Variants in ZFAND6 observed in about 807,000 individuals in gnomAD.
ZFAND6 encodes the protein AN1-type zinc finger protein 6.
Under a neutral mutation model 24.5 loss-of-function variants are expected in ZFAND6, and 12 were observed. That is an observed-to-expected ratio of 0.49 (90% confidence interval 0.31 to 0.79). The LOEUF is 0.79. Among genes scored for constraint, ZFAND6 ranks in the 30% least tolerant of loss-of-function variants. The pLI is 0.04. For missense variants in ZFAND6, 207 were observed against 245.9 expected (o/e 0.84, Z 1.06); for synonymous variants, 92 against 81.5 (o/e 1.13, Z -0.69).
At chr15:80,090,942 A>G (rs955798564) in intron 1 of ZFAND6, among the ~76,000 whole-genome samples, 1 of 152,328 alleles carries the variant, frequency 6.6e-6, no homozygotes, top group East Asian at 1.9e-4. Flanking sequence ...AGTAGCACAA[A>G]AATTTGAACT....
rs79104576 is a variant in ZFAND6, at chr15:80,122,881, T to A, written c.364+81T>A. 2.1e-4 allele frequency: 230 copies of A among 1,089,504 alleles called. 1 individual carries two copies. In the African/African-American group the frequency reaches 2.5e-3, roughly 12 times the overall value. 67.5% of individuals were successfully genotyped at this position (1,089,504 alleles called of 1,614,324 possible). ...ATCCTAGGTGCATGTATAAAAAAATTGCCAGCTTAAAATACATGTTTTTCT... is the reference window on the plus strand; with the variant it reads ...ATCCTAGGTGCATGTATAAAAAAATAGCCAGCTTAAAATACATGTTTTTCT... On this transcript the variant is annotated intron_variant, in intron 5 of 6. Coordinates refer to ENST00000261749, the MANE Select transcript of ZFAND6 (RefSeq NM_019006.4).
At position 80,120,212 on chromosome 15, in the gene ZFAND6, T is replaced by G. The variant is rs2040086044; in HGVS notation, c.-17-116T>G. On this transcript the variant is annotated intron_variant, in intron 2 of 6. Transcript: ENST00000261749. ...TTAGCCCTATGTCTTGGGACAGTTA[T>G]GTAGAATAGTTTGATATATGTGGGC... The G allele has an allele frequency of 7.4e-6, 6 of 816,158 alleles. No individual in the cohort carries two copies. The East Asian group carries it at 1.7e-4, about 24-fold the overall frequency. The allele number at this position is 816,158 out of a possible 1,614,324, so 50.6% of individuals were successfully genotyped here.
At position 80,091,986 on chromosome 15, in the gene ZFAND6, G is replaced by A. The variant is rs1596243658; in HGVS notation, c.-180-6430G>A. Among the ~76,000 whole-genome samples, 20 of 152,248 alleles carry A rather than the reference G, an allele frequency of 1.3e-4. No homozygotes were observed. The South Asian group carries it at 3.9e-3, about 30-fold the overall frequency. On this transcript the variant is annotated intron_variant, in intron 1 of 6. Transcript: ENST00000261749. Reference sequence around the variant, plus strand: ...ACTTTGACTGTTAATGTTAATAGCTGATAACATTCTTGAAGGTAGACATTT... The same window carrying A: ...ACTTTGACTGTTAATGTTAATAGCTAATAACATTCTTGAAGGTAGACATTT...
chr15:80,094,559 A>G (rs577822305), intron 1 of ZFAND6, among the ~76,000 whole-genome samples: 41 of 151,420 alleles, frequency 2.7e-4, no homozygotes, highest in African/African-American at 9.0e-4. Context: ...CATTGTTAAC[A>G]TTTTGTGCTA....
At chr15:80,096,970 T>C (rs140547930) in intron 1 of ZFAND6, among the ~76,000 whole-genome samples, 5 of 152,236 alleles carry the variant, frequency 3.3e-5, no homozygotes, top group African/African-American at 9.6e-5. Flanking sequence ...GATACTGTTA[T>C]ACATTAAAGT....
chr15:80,084,844 A>G (rs1208153033), intron 1 of ZFAND6, among the ~76,000 whole-genome samples: 1 of 152,234 alleles, frequency 6.6e-6, no homozygotes, highest in East Asian at 1.9e-4. Context: ...GTCATCCTGC[A>G]TCATCAAGCC....
chr15:80,092,720 A>G lies in ZFAND6; in HGVS notation c.-180-5696A>G, dbSNP rs1473670377. ...CCCTGGAATGTTTTACCTTGGCAACATTGACACACTATAATACCAATAGAA... is the reference window on the plus strand; with the variant it reads ...CCCTGGAATGTTTTACCTTGGCAACGTTGACACACTATAATACCAATAGAA... On this transcript the variant is annotated intron_variant, in intron 1 of 6. Transcript: ENST00000261749. Among the ~76,000 whole-genome samples, 6 of 152,308 alleles carry G rather than the reference A, an allele frequency of 3.9e-5. No homozygotes were observed. The South Asian group carries it at 6.2e-4, about 16-fold the overall frequency.
chr15:80,135,953 G>A (rs2142069726), intron 6 of ZFAND6, among the ~76,000 whole-genome samples: 1 of 152,260 alleles, frequency 6.6e-6, no homozygotes, highest in Admixed American at 6.5e-5. Flanking sequence ...GTGAGACTCA[G>A]TCTGTACAAA....
At chr15:80,064,083 T>C (rs1159442901) in intron 1 of ZFAND6, among the ~76,000 whole-genome samples, 3 of 152,246 alleles carry the variant, frequency 2.0e-5, no homozygotes, top group Non-Finnish European at 4.4e-5. Flanking sequence ...AACCTAGTTA[T>C]CTGTTGGGTG....
chr15:80,120,560 A>G lies in ZFAND6; in HGVS notation c.154+62A>G. The G allele has an allele frequency of 3.0e-6, 4 of 1,317,204 alleles. No individual in the cohort carries two copies. The South Asian group carries it at 8.7e-5, about 29-fold the overall frequency. The allele number at this position is 1,317,204 out of a possible 1,614,324, so 81.6% of individuals were successfully genotyped here. The stretch of plus-strand genomic sequence containing the variant: ...TTGAAATACAAGTGGATATTTCGGT[A>G]TACCCAATACCTTTTTCTGCTCTCA... On this transcript the variant is annotated intron_variant, in intron 3 of 6. Transcript: ENST00000261749.
intron 1 of ZFAND6, chr15:80,075,317 TA>T: frequency 3.9e-6 from 1 of 256,296 alleles, no homozygotes. Flanking sequence ...GAGATAAAGG[TA>T]ATTGTAAATA....
At chr15:80,109,720 A>C (rs1243965181) in intron 2 of ZFAND6, among the ~76,000 whole-genome samples, 2 of 152,190 alleles carry the variant, frequency 1.3e-5, no homozygotes, top group Non-Finnish European at 2.9e-5. Flanking sequence ...TTTAGATTTT[A>C]ATAGGATCAC....
chr15:80,068,113 C>G (rs1235065126), intron 1 of ZFAND6, among the ~76,000 whole-genome samples: 1 of 151,022 alleles, frequency 6.6e-6, no homozygotes, highest in Admixed American at 6.6e-5. Context: ...AGGCGAGCAC[C>G]ACCGCGCCTG....
chr15:80,089,011 G>A (rs749534083), intron 1 of ZFAND6, among the ~76,000 whole-genome samples: 5 of 151,650 alleles, frequency 3.3e-5, no homozygotes, highest in Admixed American at 1.3e-4. Context: ...TCATCTCAAC[G>A]TGTACTGTAC....
chr15:80,082,080 G>A (rs1428622887), intron 1 of ZFAND6, among the ~76,000 whole-genome samples: 1 of 152,162 alleles, frequency 6.6e-6, no homozygotes, highest in Non-Finnish European at 1.5e-5. Flanking sequence ...AAATTTTGCT[G>A]GTTTAGCAGG....
At position 80,094,811 on chromosome 15, in the gene ZFAND6, G is replaced by A. The variant is rs542745780; in HGVS notation, c.-180-3605G>A. On this transcript the variant is annotated intron_variant, in intron 1 of 6. Coordinates refer to ENST00000261749, the MANE Select transcript of ZFAND6 (RefSeq NM_019006.4). ...TTTTTTCTTTTGTGTGTGAGACGGGGTTTTGCTCTTGTATCCCAGGCTGGA... is the reference window on the plus strand; with the variant it reads ...TTTTTTCTTTTGTGTGTGAGACGGGATTTTGCTCTTGTATCCCAGGCTGGA... Among the ~76,000 whole-genome samples, 13 of 152,134 alleles carry A rather than the reference G, an allele frequency of 8.5e-5. No homozygotes were observed. The South Asian group carries it at 2.7e-3, about 32-fold the overall frequency.
At chr15:80,113,643 C>G (rs1345562874) in intron 2 of ZFAND6, among the ~76,000 whole-genome samples, 2 of 152,034 alleles carry the variant, frequency 1.3e-5, no homozygotes, top group East Asian at 3.9e-4. Context: ...CCCTTTTCAA[C>G]AGAATATAGC....
rs1178476221 is a variant in ZFAND6 at position 80,137,972 on chromosome 15, G to T, written c.*344G>T. ...TAATCTTGCAGTTTATTTTCTCATT[G>T]TGTATGTATATATCGCTTTTCTCTG... On this transcript the variant is annotated 3_prime_UTR_variant, in exon 7 of 7. Coordinates refer to ENST00000261749, the MANE Select transcript of ZFAND6 (RefSeq NM_019006.4). 5.5e-6 allele frequency: 1 copy of T among 181,236 alleles called. No homozygotes were observed. Among genetic ancestry groups the T allele is most frequent in the East Asian group, 1.7e-4 (1 of 5,850 alleles). 11.2% of individuals were successfully genotyped at this position (181,236 alleles called of 1,614,324 possible).
At chr15:80,065,176 G>GT (rs2036554172) in intron 1 of ZFAND6, among the ~76,000 whole-genome samples, 1 of 150,914 alleles carries the variant, frequency 6.6e-6, no homozygotes, top group Non-Finnish European at 1.5e-5. Context: ...TTTCACATCT[G>GT]TCTTTTTCTG....
Sources: allele counts gnomAD v4.1 joint callset (sites outside exome capture counted in the v4.1 genomes callset), GRCh38; gene constraint gnomAD v4.1.1; transcripts MANE v1.5; gene names NCBI Gene and HGNC (gene_info 2026-07-23, HGNC 2026-07-21).